The following TMTC2 variants were observed in gnomAD, a reference collection of about 807,000 sequenced individuals.
The protein encoded by TMTC2 is transmembrane O-mannosyltransferase targeting cadherins 2.
In TMTC2, 43 loss-of-function variants were observed where a neutral mutation model predicts 82.4. The observed-to-expected ratio is 0.52, with a 90% CI of 0.41 to 0.67. The LOEUF is 0.67. Ranked by LOEUF, TMTC2 falls within the 30% of genes least tolerant of loss-of-function variation. TMTC2 has a pLI of 0.00. For missense variants in TMTC2, 919 were observed against 1,012.4 expected (o/e 0.91, Z 1.25); for synonymous variants, 408 against 381.9 (o/e 1.07, Z -0.80).
chr12:82,967,774 C>G (rs1000382150), intron 7 of TMTC2, among the ~76,000 whole-genome samples: 1 of 152,042 alleles, frequency 6.6e-6, no homozygotes, highest in Non-Finnish European at 1.5e-5. Flanking sequence ...TCAAATATTT[C>G]TTTTTTTCCA....
intron 11 of TMTC2, among the ~76,000 whole-genome samples, chr12:83,122,286 G>C (rs557276963): frequency 1.3e-5 from 2 of 150,964 alleles, no homozygotes; most frequent in Admixed American, 1.3e-4. Flanking sequence ...TTCTTCCCCC[G>C]CCTGTGGAGT....
chr12:82,886,382 G>A (rs1302867721), intron 2 of TMTC2, among the ~76,000 whole-genome samples: 1 of 152,172 alleles, frequency 6.6e-6, no homozygotes, highest in African/African-American at 2.4e-5. Context: ...TATCTTTCAA[G>A]TATGATTAAA....
chr12:82,980,554 C>G (rs1306850922), intron 7 of TMTC2, among the ~76,000 whole-genome samples: 1 of 151,646 alleles, frequency 6.6e-6, no homozygotes, highest in Non-Finnish European at 1.5e-5. Context: ...GGCTGGAAGC[C>G]TGCAAGAAAT....
chr12:82,705,024 T>C (rs1397515936), intron 1 of TMTC2, among the ~76,000 whole-genome samples: 1 of 152,204 alleles, frequency 6.6e-6, no homozygotes, highest in Non-Finnish European at 1.5e-5. Context: ...AGGAATGAAT[T>C]AATGGCATTC....
At chr12:82,987,800 A>G (rs1879223854) in intron 8 of TMTC2, among the ~76,000 whole-genome samples, 1 of 152,078 alleles carries the variant, frequency 6.6e-6, no homozygotes, top group Non-Finnish European at 1.5e-5. Flanking sequence ...TTGAAAGGAC[A>G]ACATAAGTTT....
intron 1 of TMTC2, 88 bp downstream of exon 1, chr12:82,687,757 G>T: frequency 7.7e-7 from 1 of 1,300,948 alleles, no homozygotes; most frequent in South Asian, 1.3e-5. Context: ...CTCAAAGTGC[G>T]TCTTGGAGGA....
chr12:83,099,053 C>T (rs1054975305), intron 11 of TMTC2, among the ~76,000 whole-genome samples: 2 of 152,152 alleles, frequency 1.3e-5, no homozygotes, highest in Non-Finnish European at 2.9e-5. Context: ...AAAGAGATAT[C>T]CATTTCTATT....
chr12:82,777,385 A>C (rs1877655158), intron 1 of TMTC2, among the ~76,000 whole-genome samples: 1 of 152,176 alleles, frequency 6.6e-6, no homozygotes, highest in South Asian at 2.1e-4. Flanking sequence ...TTGGTATAGC[A>C]AGGGAGTAGA....
In TMTC2 at chr12:82,986,041, C is replaced by T. The variant is rs1318157842; in HGVS notation, c.2065C>T (p.Leu689=). The T allele has an allele frequency of 4.3e-6, 7 of 1,613,990 alleles. No homozygotes were observed. Among genetic ancestry groups the T allele is most frequent in the Non-Finnish European group, 5.9e-6 (7 of 1,179,902 alleles). ...AHLTYGKLLA[L]TGRKSEAEKL... is the part of the protein sequence containing the mutation. Reference sequence around the variant, plus strand: ...TCTCACCTATGGGAAGCTGCTAGCTCTAACAGTGAGTAACCGCCTTCCTTG... The same window carrying T: ...TCTCACCTATGGGAAGCTGCTAGCTTTAACAGTGAGTAACCGCCTTCCTTG... The change falls in exon 8 of 12, where the codon CTA becomes TTA. Residue 689 remains leucine (L), a synonymous_variant. Transcript: ENST00000321196.
intron 10 of TMTC2, among the ~76,000 whole-genome samples, chr12:83,060,113 T>C (rs1209938657): frequency 1.3e-5 from 2 of 151,726 alleles, no homozygotes; most frequent in Admixed American, 6.6e-5. Flanking sequence ...TCTCTTGACA[T>C]TGAAATTGAG....
intron 8 of TMTC2, among the ~76,000 whole-genome samples, chr12:83,028,348 A>C (rs371972871): frequency 1.3e-5 from 2 of 152,326 alleles, no homozygotes; most frequent in East Asian, 3.9e-4. Context: ...ATTTTAAAGT[A>C]GTTTTAGGTT....
intron 1 of TMTC2, among the ~76,000 whole-genome samples, chr12:82,844,477 T>G (rs1466520362): frequency 6.6e-6 from 1 of 152,152 alleles, no homozygotes; most frequent in Non-Finnish European, 1.5e-5. Context: ...TATTGGAATC[T>G]GATGGTTATA....
intron 3 of TMTC2, among the ~76,000 whole-genome samples, chr12:82,903,443 G>A (rs969503770): frequency 6.6e-6 from 1 of 152,152 alleles, no homozygotes; most frequent in Middle Eastern, 3.4e-3. Flanking sequence ...ACAGAGTCTC[G>A]CTCTGTCGCC....
At chr12:82,960,739 T>G (rs940360274) in intron 4 of TMTC2, among the ~76,000 whole-genome samples, 1 of 151,956 alleles carries the variant, frequency 6.6e-6, no homozygotes, top group Non-Finnish European at 1.5e-5. Context: ...CACAGCATCA[T>G]GCAATATATA....
intron 2 of TMTC2, among the ~76,000 whole-genome samples, chr12:82,890,128 A>T (rs915320587): frequency 6.6e-6 from 1 of 152,140 alleles, no homozygotes; most frequent in Non-Finnish European, 1.5e-5. Context: ...TTTGCACTTT[A>T]TTTAACTTAC....
intron 1 of TMTC2, among the ~76,000 whole-genome samples, chr12:82,834,968 C>A (rs774084370): frequency 2.6e-5 from 4 of 151,938 alleles, no homozygotes; most frequent in Non-Finnish European, 4.4e-5. Flanking sequence ...ACCTCTGTCT[C>A]CCGAGTTCAA....
At chr12:82,988,345 G>A (rs1194230764) in intron 8 of TMTC2, among the ~76,000 whole-genome samples, 1 of 152,166 alleles carries the variant, frequency 6.6e-6, no homozygotes, top group East Asian at 1.9e-4. Flanking sequence ...GAAACCTGGA[G>A]AGGCTCAAGA....
intron 1 of TMTC2, among the ~76,000 whole-genome samples, chr12:82,841,914 T>C (rs1870357616): frequency 6.6e-6 from 1 of 152,254 alleles, no homozygotes; most frequent in African/African-American, 2.4e-5. Context: ...ACTTTCTTTT[T>C]GAAATGCAGA....
At chr12:83,095,385 T>C (rs1463211941) in intron 11 of TMTC2, among the ~76,000 whole-genome samples, 2 of 151,922 alleles carry the variant, frequency 1.3e-5, no homozygotes, top group Admixed American at 6.6e-5. Flanking sequence ...GGACTACAGG[T>C]GCCCGCCACC....
Sources: allele counts gnomAD v4.1 joint callset (sites outside exome capture counted in the v4.1 genomes callset), GRCh38; gene constraint gnomAD v4.1.1; transcripts MANE v1.5; gene names NCBI Gene and HGNC (gene_info 2026-07-23, HGNC 2026-07-21).